ABCB1: variants seen among roughly 807,000 people sequenced by gnomAD.
ABCB1 encodes the protein ATP-dependent translocase ABCB1.
A neutral mutation model predicts 142.0 loss-of-function variants in ABCB1; 69 were observed. The ratio of observed to expected loss-of-function variants is 0.49; its 90% CI spans 0.40 to 0.59. ABCB1 has a LOEUF of 0.59. Ranked by LOEUF, ABCB1 falls within the 20% of genes least tolerant of loss-of-function variation. The probability of loss-of-function intolerance (pLI) is 0.00; values close to 1 mark genes in which losing one functional copy is unlikely to be tolerated. For missense variants in ABCB1, 1,326 were observed against 1,554.7 expected, an observed-to-expected ratio of 0.85 and a Z score of 2.47; for synonymous variants, 532 against 539.2, an observed-to-expected ratio of 0.99 and a Z score of 0.18.
intron 7 of ABCB1, among the ~76,000 whole-genome samples, chr7:87,562,695 A>G (rs983341703): frequency 4.6e-5 from 7 of 151,972 alleles, no homozygotes; most frequent in African/African-American, 1.2e-4. Context: ...CCATCATTAT[A>G]AGCAGACAAA....
chr7:87,707,400 C>T (rs1829699294), intron 1 of ABCB1, among the ~76,000 whole-genome samples: 1 of 151,990 alleles, frequency 6.6e-6, no homozygotes, highest in African/African-American at 2.4e-5. Context: ...AATTCAAAGG[C>T]CGGGTGTGAT....
chr7:87,651,887 G>T (rs1023820518), intron 1 of ABCB1, among the ~76,000 whole-genome samples: 2 of 152,032 alleles, frequency 1.3e-5, no homozygotes, highest in African/African-American at 4.8e-5. Context: ...TTTAAAACGG[G>T]GTTTGTAAAA....
chr7:87,588,513 C>T (rs1818856948), intron 3 of ABCB1, among the ~76,000 whole-genome samples: 3 of 152,162 alleles, frequency 2.0e-5, no homozygotes, highest in Admixed American at 2.0e-4. Context: ...GACGTGATCT[C>T]GTTTCTTTTT....
intron 1 of ABCB1, among the ~76,000 whole-genome samples, chr7:87,674,278 G>A (rs1471560306): frequency 1.3e-5 from 2 of 152,184 alleles, no homozygotes; most frequent in Admixed American, 6.5e-5. Flanking sequence ...GTACATGCAG[G>A]TACTTATGCA....
chr7:87,700,478 T>C (rs1828933742), intron 1 of ABCB1: 1 of 1,613,210 alleles, frequency 6.2e-7, no homozygotes, highest in Non-Finnish European at 8.5e-7. Flanking sequence ...TATATCAGAG[T>C]GGCTTGCCGG....
chr7:87,564,532 C>T (rs1032097999), intron 7 of ABCB1, among the ~76,000 whole-genome samples: 1 of 152,182 alleles, frequency 6.6e-6, no homozygotes, highest in African/African-American at 2.4e-5. Context: ...AGGTCACTTG[C>T]TGTGATTGGG....
chr7:87,566,842 T>G lies in ABCB1; in HGVS notation c.473A>C (p.Gln158Pro). 1 of 1,614,208 alleles carries G rather than the reference T, an allele frequency of 6.2e-7. No individual in the cohort carries two copies. The highest frequency in any genetic ancestry group is 8.5e-7 in the Non-Finnish European group (1 of 1,180,026). The change falls in exon 6 of 28, where the codon CAG (glutamine) becomes CCG (proline). Residue 158 changes from glutamine (Q) to proline (P), a missense_variant. Coordinates refer to ENST00000622132, the MANE Select transcript of ABCB1 (RefSeq NM_001348946.2). ...RKQFFHAIMR[Q>P]EIGWFDVHDV... The stretch of plus-strand genomic sequence containing the variant: ...GTGCACATCAAACCAGCCTATCTCC[T>G]GTCGCATTATAGCATGAAAAAACTG...
At chr7:87,664,185 G>T (rs1824999877) in intron 1 of ABCB1, among the ~76,000 whole-genome samples, 1 of 151,984 alleles carries the variant, frequency 6.6e-6, no homozygotes, top group Non-Finnish European at 1.5e-5. Context: ...GGGTAGCCAG[G>T]CATGGTGGCA....
chr7:87,606,333 G>GA (rs1819652191), intron 1 of ABCB1, among the ~76,000 whole-genome samples: 1 of 152,050 alleles, frequency 6.6e-6, no homozygotes, highest in African/African-American at 2.4e-5. Flanking sequence ...AGTAGGAGTT[G>GA]AAAATTATTC....
At chr7:87,646,764 T>C (rs142138547) in intron 1 of ABCB1, among the ~76,000 whole-genome samples, 3 of 152,320 alleles carry the variant, frequency 2.0e-5, no homozygotes, top group Admixed American at 6.5e-5. Context: ...TATTCTTGTG[T>C]ATTGTCACTG....
chr7:87,552,408 T>C (rs1322223408), intron 9 of ABCB1, among the ~76,000 whole-genome samples: 1 of 152,166 alleles, frequency 6.6e-6, no homozygotes, highest in Non-Finnish European at 1.5e-5. Flanking sequence ...GCAGAAGAGG[T>C]AGCAGAGGCT....
intron 1 of ABCB1, chr7:87,713,048 A>G (rs1830228772): frequency 6.6e-6 from 1 of 152,164 alleles, no homozygotes; most frequent in Admixed American, 6.6e-5. Context: ...GATGAAACCA[A>G]AGAAATTCTT....
chr7:87,603,093 GACA>G (rs1819521280), upstream of ABCB1: 2 of 152,092 alleles, frequency 1.3e-5, no homozygotes, highest in African/African-American at 4.8e-5. Flanking sequence ...TCTATACTCT[GACA>G]ACATTAAAGA....
intron 27 of ABCB1, among the ~76,000 whole-genome samples, chr7:87,505,385 G>A (rs1047412492): frequency 6.6e-6 from 1 of 152,144 alleles, no homozygotes; most frequent in African/African-American, 2.4e-5. Context: ...CTTGAAAACA[G>A]ACCTCAAATC....
intron 1 of ABCB1, among the ~76,000 whole-genome samples, chr7:87,654,609 C>T (rs905685556): frequency 6.6e-6 from 1 of 151,952 alleles, no homozygotes; most frequent in South Asian, 2.1e-4. Flanking sequence ...CTATCTACTA[C>T]AACTGTAAAA....
At chr7:87,640,821 T>C (rs1397875334) in intron 1 of ABCB1, among the ~76,000 whole-genome samples, 1 of 152,198 alleles carries the variant, frequency 6.6e-6, no homozygotes, top group African/African-American at 2.4e-5. Context: ...TTCTACTGTT[T>C]AATCCATTGA....
At chr7:87,622,533 T>C (rs1820261673) in intron 1 of ABCB1, among the ~76,000 whole-genome samples, 1 of 152,222 alleles carries the variant, frequency 6.6e-6, no homozygotes, top group East Asian at 1.9e-4. Flanking sequence ...TGCATATCTT[T>C]TGATTCAGAA....
chr7:87,661,761 T>C (rs1430164164), intron 1 of ABCB1, among the ~76,000 whole-genome samples: 1 of 152,078 alleles, frequency 6.6e-6, no homozygotes, highest in Non-Finnish European at 1.5e-5. Context: ...CTTTTAGGTA[T>C]ATATCTAGCA....
intron 13 of ABCB1, 81 bp from the exon 14 acceptor site, chr7:87,549,599 C>T: frequency 1.3e-6 from 2 of 1,597,178 alleles, no homozygotes; most frequent in Non-Finnish European, 1.7e-6. Flanking sequence ...GAATCCTATA[C>T]ACAGCCCAAG....
Sources: gnomAD v4.1 joint callset for allele counts (sites outside exome capture counted in the v4.1 genomes callset) on GRCh38, gnomAD v4.1.1 for gene constraint, MANE v1.5 for transcripts, NCBI Gene and HGNC (gene_info 2026-07-23, HGNC 2026-07-21) for gene names.